IFT81: variants seen among roughly 807,000 people sequenced by gnomAD.
IFT81 encodes the protein intraflagellar transport protein 81 homolog.
Under a neutral mutation model 102.6 loss-of-function variants are expected in IFT81, and 72 were observed. The ratio of observed to expected loss-of-function variants is 0.70; its 90% CI spans 0.58 to 0.85. The LOEUF (loss-of-function observed/expected upper bound fraction) is 0.85, where lower values mean the gene tolerates loss of function less well. Among genes scored for constraint, IFT81 ranks in the 40% least tolerant of loss-of-function variants. The pLI is 0.00. For missense variants in IFT81, 723 were observed against 787.3 expected (o/e 0.92, Z 0.98); for synonymous variants, 237 against 242.7 (o/e 0.98, Z 0.22).
intron 12 of IFT81, among the ~76,000 whole-genome samples, chr12:110,188,331 CA>C (rs1348463168): frequency 7.3e-4 from 94 of 129,554 alleles, no homozygotes; most frequent in Middle Eastern, 4.0e-3. Context: ...GACTCCGTCT[CA>C]AAAAAAAAAA....
rs763183819 is a variant in IFT81, at chr12:110,203,941, A to G, written c.1635A>G (p.Lys545=). 5.0e-6 allele frequency: 8 copies of G among 1,610,214 alleles called. No individual in the cohort carries two copies. The highest frequency in any genetic ancestry group is 6.8e-6 in the Non-Finnish European group (8 of 1,176,992). Reference sequence around the variant, plus strand: ...CAGGCCTCGAAAGCAATCGGTCCAAATTAGAACAGGTAAGAAGAGAGTTTT... The same window carrying G: ...CAGGCCTCGAAAGCAATCGGTCCAAGTTAGAACAGGTAAGAAGAGAGTTTT... ...CAAGLESNRS[K]LEQEVRRLRE... The change falls in exon 15 of 19, where the codon AAA becomes AAG. Residue 545 remains lysine (K), a synonymous_variant. Coordinates refer to ENST00000242591, the MANE Select transcript of IFT81 (RefSeq NM_014055.4).
At chr12:110,134,372 A>C (rs1257823776) in intron 5 of IFT81, among the ~76,000 whole-genome samples, 1 of 152,146 alleles carries the variant, frequency 6.6e-6, no homozygotes, top group African/African-American at 2.4e-5. Flanking sequence ...TTTAGGAAGG[A>C]GTTTTTTTAT....
intron 10 of IFT81, among the ~76,000 whole-genome samples, chr12:110,156,558 A>G (rs1895850387): frequency 6.6e-6 from 1 of 151,578 alleles, no homozygotes; most frequent in Non-Finnish European, 1.5e-5. Flanking sequence ...ATGCAGTGGC[A>G]TGATCTCCAC....
chr12:110,129,838 T>C (rs1023323261), intron 4 of IFT81, among the ~76,000 whole-genome samples: 9 of 151,610 alleles, frequency 5.9e-5, no homozygotes, highest in African/African-American at 2.0e-4. Flanking sequence ...GACTTTGATT[T>C]TTTTTTTTTT....
chr12:110,149,410 G>T (rs886529707), intron 10 of IFT81, among the ~76,000 whole-genome samples: 7 of 152,208 alleles, frequency 4.6e-5, no homozygotes, highest in Non-Finnish European at 8.8e-5. Context: ...GGAAGCCCCA[G>T]TGGGCATGTG....
chr12:110,132,364 G>A (rs754079797), intron 4 of IFT81, among the ~76,000 whole-genome samples, 183 bp from the exon 5 acceptor site: 2 of 151,746 alleles, frequency 1.3e-5, no homozygotes, highest in East Asian at 1.9e-4. Flanking sequence ...GGAGGCTGAC[G>A]CAGGAGAATC....
intron 11 of IFT81, chr12:110,167,847 C>CTT (rs746060315): frequency 9.5e-3 from 2,156 of 227,442 alleles, no homozygotes; most frequent in South Asian, 0.022. Context: ...ATTTAGGTTT[C>CTT]TTTTTTTTTT....
At chr12:110,177,650 C>T (rs575248205) in intron 11 of IFT81, among the ~76,000 whole-genome samples, 18 of 152,130 alleles carry the variant, frequency 1.2e-4, no homozygotes, top group Middle Eastern at 3.4e-3. Context: ...TTTATTTTAA[C>T]GTGAAGAATT....
intron 10 of IFT81, among the ~76,000 whole-genome samples, chr12:110,161,992 T>C (rs1896160218): frequency 6.6e-6 from 1 of 152,172 alleles, no homozygotes; most frequent in Non-Finnish European, 1.5e-5. Flanking sequence ...CTCCCAAGAG[T>C]TACTAGCTAA....
chr12:110,133,352 G>T (rs1463515074), intron 5 of IFT81, among the ~76,000 whole-genome samples: 3 of 151,872 alleles, frequency 2.0e-5, no homozygotes, highest in Non-Finnish European at 4.4e-5. Context: ...GCCAGGCATG[G>T]TAGCTCATGC....
chr12:110,210,004 T>C (rs1869201114), intron 18 of IFT81, among the ~76,000 whole-genome samples: 1 of 152,190 alleles, frequency 6.6e-6, no homozygotes, highest in Admixed American at 6.5e-5. Flanking sequence ...TTCTTAGTTC[T>C]CTGAGCCACT....
chr12:110,158,412 A>G (rs1173011479), intron 10 of IFT81, among the ~76,000 whole-genome samples: 1 of 151,840 alleles, frequency 6.6e-6, no homozygotes, highest in Admixed American at 6.6e-5. Context: ...ATTTTATTCT[A>G]AAAAATAGAA....
Position 110,191,054 on chromosome 12 carries a change from G to A in IFT81, c.1467+6G>A, listed in dbSNP as rs1472532911. The A allele has an allele frequency of 8.8e-6, 14 of 1,590,782 alleles. No homozygotes were observed. Among genetic ancestry groups the A allele is most frequent in the African/African-American group, 1.4e-5 (1 of 73,620 alleles). On this transcript the variant is annotated splice_donor_region_variant and intron_variant, in intron 13 of 18. Transcript: ENST00000242591. ...TGGATGATATGTCTGAAATGGTGAT[G>A]ATACTTTTATTTAAATTTTCTTTTA...
At chr12:110,216,535 A>G (rs949546097) in intron 18 of IFT81, 3 of 450,000 alleles carry the variant, frequency 6.7e-6, no homozygotes, top group African/African-American at 6.1e-5. Flanking sequence ...TTTTTTTTCC[A>G]GAGACGGAAT....
chr12:110,181,097 T>C (rs1897302270), intron 12 of IFT81, among the ~76,000 whole-genome samples: 1 of 149,846 alleles, frequency 6.7e-6, no homozygotes, highest in Non-Finnish European at 1.5e-5. Context: ...TTCATTTGGC[T>C]TTTTTTTTTC....
chr12:110,189,902 G>C (rs1566157162), intron 12 of IFT81, among the ~76,000 whole-genome samples: 1 of 152,144 alleles, frequency 6.6e-6, no homozygotes, highest in South Asian at 2.1e-4. Context: ...TATCTTGTTT[G>C]ATCTGCCTTC....
At chr12:110,197,490 TCTTTTTTCC>T (rs1168831928) in intron 14 of IFT81, among the ~76,000 whole-genome samples, 1 of 148,818 alleles carries the variant, frequency 6.7e-6, no homozygotes, top group East Asian at 1.9e-4. Context: ...TTTTCTTTTC[TCTTTTTTCC>T]CTTTTTTCTG....
At chr12:110,172,586 G>T (rs963685063) in intron 11 of IFT81, among the ~76,000 whole-genome samples, 1 of 152,190 alleles carries the variant, frequency 6.6e-6, no homozygotes, top group African/African-American at 2.4e-5. Context: ...ACAGGGTTTC[G>T]CTGTGTTGGC....
intron 10 of IFT81, among the ~76,000 whole-genome samples, chr12:110,157,613 G>T (rs536306793): frequency 2.6e-4 from 39 of 152,094 alleles, no homozygotes; most frequent in African/African-American, 9.4e-4. Flanking sequence ...TATTCTATCT[G>T]TCCCTTTCTC....
Sources: allele counts gnomAD v4.1 joint callset (sites outside exome capture counted in the v4.1 genomes callset), GRCh38; gene constraint gnomAD v4.1.1; transcripts MANE v1.5; gene names NCBI Gene and HGNC (gene_info 2026-07-23, HGNC 2026-07-21).